Variants in ORC1 observed in about 807,000 individuals in gnomAD.
ORC1 encodes the protein origin recognition complex subunit 1.
A neutral mutation model predicts 98.9 loss-of-function variants in ORC1; 61 were observed. That is an observed-to-expected ratio of 0.62 (90% CI 0.50 to 0.76). The LOEUF (loss-of-function observed/expected upper bound fraction) is 0.76, where lower values mean the gene tolerates loss of function less well. ORC1 is among the 30% of genes least tolerant of loss of function. The pLI is 0.00. For missense variants in ORC1, 979 were observed against 1,072.2 expected (o/e 0.91, Z 1.21); for synonymous variants, 385 against 406.9 (o/e 0.95, Z 0.65).
Position 52,383,472 on chromosome 1 carries a change from T to C in ORC1, c.1961A>G (p.Asn654Ser). The change falls in exon 13 of 17, where the codon AAC (asparagine) becomes AGC (serine). Residue 654 changes from asparagine to serine, a missense_variant. Physicochemically the swap from Asn to Ser is conservative, Grantham distance 46. Transcript: ENST00000371568. ...EARLVVLAIA[N>S]TMDLPERIMM... ...GATTCGCTCTGGCAGGTCCATTGTG[T>C]TGGCAATTGCCAGGACCACAAGCCG... is the stretch of plus-strand genomic sequence containing the variant. 1 of 1,613,506 alleles carries C rather than the reference T, an allele frequency of 6.2e-7. No individual in the cohort carries two copies. Among genetic ancestry groups the C allele is most frequent in the Non-Finnish European group, 8.5e-7 (1 of 1,180,046 alleles).
At chr1:52,375,328 T>C (rs1646980013) in intron 15 of ORC1, 102 bp downstream of exon 15, 3 of 1,028,314 alleles carry the variant, frequency 2.9e-6, no homozygotes, top group South Asian at 2.6e-5. Flanking sequence ...CTATGAAACA[T>C]AACTGTGTTA....
upstream of ORC1, chr1:52,408,686 T>A (rs748496357): frequency 1.9e-6 from 3 of 1,614,110 alleles, no homozygotes; most frequent in Admixed American, 3.3e-5. Flanking sequence ...AGAACCGAAA[T>A]GGGGGTAAGT....
chr1:52,393,797 CCTAAGT>C lies in ORC1; in HGVS notation c.722_727del (p.Asn241_Gly243delinsSer). 1 of 1,612,704 alleles carries C rather than the reference CCTAAGT, an allele frequency of 6.2e-7. No individual in the cohort carries two copies. The highest frequency in any genetic ancestry group is 1.3e-5 in the African/African-American group (1 of 75,036). ...AGTCTGCTGGGACATCTGAGGGTTA[CCTAAGT>C]CTAAGAGAAATCATCACAATGTGTA... On this transcript the variant is annotated inframe_deletion and splice_region_variant, in exon 6 of 17. Transcript: ENST00000371568.
At chr1:52,392,584 A>G (rs1438702412) in intron 6 of ORC1, among the ~76,000 whole-genome samples, 2 of 152,208 alleles carry the variant, frequency 1.3e-5, no homozygotes, top group Non-Finnish European at 2.9e-5. Flanking sequence ...AGAAGTCATT[A>G]TATTAAAAAA....
upstream of ORC1, chr1:52,404,618 G>C: frequency 2.0e-6 from 2 of 975,742 alleles, no homozygotes; most frequent in Middle Eastern, 3.4e-4. Flanking sequence ...CGGTGTTTCC[G>C]GCTTCAAGAT....
At position 52,373,009 on chromosome 1, in the gene ORC1, G is replaced by A. The variant is rs1023468697; in HGVS notation, c.*172C>T. Reference sequence around the variant, plus strand: ...CAGCTGGGCATGGTGGCATGTGCCTGTAGTTTCAGCCACCTGGGAGGATGA... The same window carrying A: ...CAGCTGGGCATGGTGGCATGTGCCTATAGTTTCAGCCACCTGGGAGGATGA... On this transcript the variant is annotated 3_prime_UTR_variant, in exon 17 of 17. Coordinates refer to ENST00000371568, the MANE Select transcript of ORC1 (RefSeq NM_004153.4). The A allele has an allele frequency of 1.5e-5, 11 of 724,114 alleles. No homozygotes were observed. Among genetic ancestry groups the A allele is most frequent in the South Asian group, 5.9e-5 (4 of 67,554 alleles). The allele number at this position is 724,114 out of a possible 1,614,324, so 44.9% of individuals were successfully genotyped here.
At chr1:52,383,275 C>T in intron 13 of ORC1, 145 bp downstream of exon 13, 1 of 854,188 alleles carries the variant, frequency 1.2e-6, no homozygotes. Flanking sequence ...TCTTGAACTC[C>T]TGACCTCAAG....
intron 2 of ORC1, among the ~76,000 whole-genome samples, chr1:52,401,920 T>A (rs1021221155): frequency 7.2e-5 from 11 of 152,298 alleles, no homozygotes; most frequent in African/African-American, 2.6e-4. Flanking sequence ...CATACAAAAT[T>A]TTATGAGCCT....
At chr1:52,406,401 G>T (rs1168675032), upstream of ORC1, among the ~76,000 whole-genome samples, 1 of 152,144 alleles carries the variant, frequency 6.6e-6, no homozygotes, top group Admixed American at 6.5e-5. Context: ...TACATATTAA[G>T]CAAAAGTGAG....
At chr1:52,374,938 G>GT in intron 15 of ORC1, 41 bp from the exon 16 acceptor site, 1 of 1,275,824 alleles carries the variant, frequency 7.8e-7, no homozygotes, top group Non-Finnish European at 1.1e-6. Context: ...GTCAGTGGCT[G>GT]TAACCCCAGC....
At chr1:52,387,268 T>C (rs1217601492) in intron 8 of ORC1, among the ~76,000 whole-genome samples, 3 of 152,138 alleles carry the variant, frequency 2.0e-5, no homozygotes, top group Non-Finnish European at 4.4e-5. Context: ...TATTGCGAAC[T>C]GTGTGTGCAA....
rs1213341002 is a variant in ORC1 at position 52,381,712 on chromosome 1, TG to T, written c.2062del (p.Gln688ArgfsTer3). On this transcript the variant is annotated frameshift_variant, in exon 14 of 17. Transcript: ENST00000371568. LOFTEE classifies it high-confidence loss of function. The part of the protein sequence containing the change: ...FQPYTYSQLQ[Q>X]ILRSRLKHLK... ...ATGCTTGAGCCGGGACCTTAGGATC[TG>T]CTGCAGCTGGCTATATGTATAGGGC... The T allele has an allele frequency of 7.4e-6, 12 of 1,613,606 alleles. No individual in the cohort carries two copies. The highest frequency in any genetic ancestry group is 1.0e-5 in the Non-Finnish European group (12 of 1,179,778).
At chr1:52,373,400 G>A (rs1646959227) in intron 16 of ORC1, 25 bp from the exon 17 acceptor site, 3 of 1,597,312 alleles carry the variant, frequency 1.9e-6, no homozygotes, top group Non-Finnish European at 2.6e-6. Flanking sequence ...CAAGGCAAAG[G>A]TTAAGAGGAA....
chr1:52,384,660 G>GT lies in ORC1; in HGVS notation c.1644dup (p.Arg549ThrfsTer11), dbSNP rs1647119209. The GT allele has an allele frequency of 1.2e-6, 2 of 1,613,176 alleles. No individual in the cohort carries two copies. Among genetic ancestry groups the GT allele is most frequent in the Non-Finnish European group, 1.7e-6 (2 of 1,179,374 alleles). ...GCTTGGGCTGCCTGCTGCAGGCAGC[G>GT]TATCACTTCATGAACAGTGGCAGTC... On this transcript the variant is annotated frameshift_variant, in exon 11 of 17. Transcript: ENST00000371568. LOFTEE classifies it high-confidence loss of function.
chr1:52,401,364 T>A lies in ORC1; in HGVS notation c.221A>T (p.Asp74Val), dbSNP rs1360700383. 1 of 1,614,060 alleles carries A rather than the reference T, an allele frequency of 6.2e-7. No homozygotes were observed. The highest frequency in any genetic ancestry group is 1.7e-5 in the Admixed American group (1 of 59,998). ...TATTATTCCAGTCCCAAACTCACCA[T>A]CTTCGAACAACTCAAGCAATTTAGC... ...YVAKLLELFE[D>V]DSDPPPKKRA... Residue 74 changes from aspartate to valine, a missense_variant and splice_region_variant, in exon 3 of 17, where the codon GAT becomes GTT. Asp to Val is a radical substitution (Grantham distance 152). Transcript: ENST00000371568.
At chr1:52,390,576 C>T (rs1412589594) in intron 6 of ORC1, among the ~76,000 whole-genome samples, 1 of 152,140 alleles carries the variant, frequency 6.6e-6, no homozygotes, top group African/African-American at 2.4e-5. Flanking sequence ...GTGGGTGGAC[C>T]ACCTAAGGTC....
chr1:52,396,506 A>G, intron 4 of ORC1, 142 bp from the exon 5 acceptor site: 1 of 894,832 alleles, frequency 1.1e-6, no homozygotes, highest in East Asian at 2.6e-5. Flanking sequence ...ACGCATAGAC[A>G]TGGCATAGCA....
rs756984756 is a variant in ORC1, at chr1:52,383,416, C to T, written c.2013+4G>A. 2 of 1,612,370 alleles carry T rather than the reference C, an allele frequency of 1.2e-6. No individual in the cohort carries two copies. Among genetic ancestry groups the T allele is most frequent in the South Asian group, 1.1e-5 (1 of 91,002 alleles). On this transcript the variant is annotated splice_donor_region_variant and intron_variant, in intron 13 of 16. Transcript: ENST00000371568. ...AACAGCATGGGAACTGCCCTAGAAC[C>T]TACCAGTCGGCTGGACACCCGGTTC... is the stretch of plus-strand genomic sequence containing the variant.
chr1:52,389,615 C>CT (rs1039666465), intron 6 of ORC1, among the ~76,000 whole-genome samples: 2 of 152,156 alleles, frequency 1.3e-5, no homozygotes, highest in African/African-American at 4.8e-5. Flanking sequence ...GGTGCTTGTC[C>CT]TTTTTTGTTT....
Sources: allele counts gnomAD v4.1 joint callset (sites outside exome capture counted in the v4.1 genomes callset), GRCh38; gene constraint gnomAD v4.1.1; transcripts MANE v1.5; gene names NCBI Gene and HGNC (gene_info 2026-07-23, HGNC 2026-07-21).